The following KCNMB2 variants were observed in gnomAD, a reference collection of about 807,000 sequenced individuals.
KCNMB2 encodes the protein potassium calcium-activated channel subfamily M regulatory beta subunit 2.
A neutral mutation model predicts 24.5 loss-of-function variants in KCNMB2; 9 were observed. That is an observed-to-expected ratio of 0.37 (90% CI 0.22 to 0.64). KCNMB2 has a LOEUF of 0.64. Among genes scored for constraint, KCNMB2 ranks in the 30% least tolerant of loss-of-function variants. The pLI is 0.63. For synonymous variants in KCNMB2, 109 were observed against 104.4 expected, an observed-to-expected ratio of 1.04 and a Z score of -0.27; for missense variants, 226 against 284.3, an observed-to-expected ratio of 0.79 and a Z score of 1.47.
chr3:178,798,849 C>T (rs1291993233), intron 1 of KCNMB2, among the ~76,000 whole-genome samples: 2 of 151,674 alleles, frequency 1.3e-5, no homozygotes, highest in Admixed American at 1.3e-4. Flanking sequence ...TGTAACAAAC[C>T]TGCACATCCT....
At chr3:178,566,275 A>C (rs999123062) in intron 1 of KCNMB2, among the ~76,000 whole-genome samples, 7 of 152,248 alleles carry the variant, frequency 4.6e-5, no homozygotes, top group African/African-American at 1.7e-4. Context: ...AACCATGTTT[A>C]GAATGTGCAG....
chr3:178,703,046 T>G (rs1327610317), intron 1 of KCNMB2, among the ~76,000 whole-genome samples: 2 of 152,100 alleles, frequency 1.3e-5, no homozygotes, highest in Non-Finnish European at 2.9e-5. Context: ...CTTATTCCCT[T>G]TAAGTTTTAA....
intron 4 of KCNMB2, among the ~76,000 whole-genome samples, chr3:178,838,540 T>C (rs572311340): frequency 6.8e-6 from 1 of 147,966 alleles, no homozygotes; most frequent in Non-Finnish European, 1.5e-5. Flanking sequence ...CTGCTGTTTA[T>C]AGTCAAATAA....
chr3:178,552,251 A>C (rs772545255), intron 1 of KCNMB2, among the ~76,000 whole-genome samples: 1 of 152,184 alleles, frequency 6.6e-6, no homozygotes. Context: ...AAACTCCCAC[A>C]CTGAGGAGTT....
chr3:178,720,494 C>A (rs1330928074), intron 1 of KCNMB2, among the ~76,000 whole-genome samples: 1 of 109,244 alleles, frequency 9.2e-6, no homozygotes, highest in Non-Finnish European at 1.8e-5. Context: ...GGGTATATAC[C>A]CAGTAACGGG....
At position 178,663,390 on chromosome 3, in the gene KCNMB2, C is replaced by G. The variant is rs117374481; in HGVS notation, c.-68+126679C>G. Reference sequence around the variant, plus strand: ...AACTGAAGAACTGTAAATTCATATCCCATGCTCTTAACCATGACATCACAC... The same window carrying G: ...AACTGAAGAACTGTAAATTCATATCGCATGCTCTTAACCATGACATCACAC... On this transcript the variant is annotated intron_variant, in intron 1 of 4. Coordinates refer to ENST00000452583, the MANE Select transcript of KCNMB2 (RefSeq NM_181361.3). 6.2e-4 allele frequency among the ~76,000 whole-genome samples: 95 copies of G among 152,076 alleles called. 2 individuals are homozygous for G. Among genetic ancestry groups the G allele is most frequent in the African/African-American group, 2.3e-3 (94 of 41,504 alleles).
chr3:178,726,352 G>C (rs1577129140), intron 1 of KCNMB2, among the ~76,000 whole-genome samples: 2 of 151,864 alleles, frequency 1.3e-5, no homozygotes, highest in South Asian at 4.1e-4. Flanking sequence ...ATAATCTACT[G>C]TGTTTACCAT....
chr3:178,706,651 T>G (rs148243744), intron 1 of KCNMB2, among the ~76,000 whole-genome samples: 1 of 152,196 alleles, frequency 6.6e-6, no homozygotes, highest in Non-Finnish European at 1.5e-5. Context: ...GCCCCAACTT[T>G]ATCACTTGAT....
chr3:178,568,656 T>C (rs1716616075), intron 1 of KCNMB2, among the ~76,000 whole-genome samples: 1 of 150,762 alleles, frequency 6.6e-6, no homozygotes, highest in Non-Finnish European at 1.5e-5. Context: ...CCAGCACTTT[T>C]CCAGTGCTTA....
In KCNMB2 at chr3:178,626,846, T is replaced by C. The variant is rs144245966; in HGVS notation, c.-68+90135T>C. 5.4e-5 allele frequency among the ~76,000 whole-genome samples: 8 copies of C among 149,522 alleles called. No individual in the cohort carries two copies. The East Asian group carries it at 1.6e-3, about 29-fold the overall frequency. On this transcript the variant is annotated intron_variant, in intron 1 of 4. Transcript: ENST00000452583. ...ACTATACTATAGTATAGTAAGTATA[T>C]ATATAACTTATATAGAGAGAATAAG...
At chr3:178,759,524 T>C (rs1377074329) in intron 1 of KCNMB2, among the ~76,000 whole-genome samples, 1 of 126,182 alleles carries the variant, frequency 7.9e-6, no homozygotes, top group African/African-American at 3.2e-5. Flanking sequence ...TCCAAGAGGA[T>C]ATATATACAT....
chr3:178,828,361 A>G lies in KCNMB2; in HGVS notation c.411A>G (p.Lys137=). The change falls in exon 4 of 5, where the codon AAA becomes AAG. Residue 137 remains lysine (K), a synonymous_variant. Coordinates refer to ENST00000452583, the MANE Select transcript of KCNMB2 (RefSeq NM_181361.3). The part of the protein sequence containing the change: ...LLLYHTEETI[K]INQKCSYIPK... ...TCTACCACACAGAAGAGACAATAAA[A>G]ATCAATCAGAAGGTAGGAACTTGGC... The G allele has an allele frequency of 6.2e-7, 1 of 1,613,026 alleles. No individual in the cohort carries two copies. Among genetic ancestry groups the G allele is most frequent in the Non-Finnish European group, 8.5e-7 (1 of 1,179,316 alleles).
intron 4 of KCNMB2, among the ~76,000 whole-genome samples, chr3:178,838,888 A>G (rs180837693): frequency 6.6e-6 from 1 of 152,362 alleles, no homozygotes; most frequent in Non-Finnish European, 1.5e-5. Flanking sequence ...GGTAAATGAC[A>G]GTAAGACGTG....
intron 1 of KCNMB2, among the ~76,000 whole-genome samples, chr3:178,744,777 C>T (rs748620272): frequency 2.6e-5 from 4 of 152,004 alleles, no homozygotes; most frequent in Admixed American, 6.6e-5. Flanking sequence ...CCCAGGGCAG[C>T]CATAAATCCC....
intron 1 of KCNMB2, among the ~76,000 whole-genome samples, chr3:178,657,770 C>A (rs190376292): frequency 6.6e-6 from 1 of 152,202 alleles, no homozygotes; most frequent in East Asian, 1.9e-4. Context: ...GGGCCTCATG[C>A]TGTGTCATAA....
chr3:178,555,599 G>A (rs968562180), intron 1 of KCNMB2, among the ~76,000 whole-genome samples: 5 of 152,194 alleles, frequency 3.3e-5, no homozygotes, highest in African/African-American at 1.2e-4. Flanking sequence ...AAGCCCTATT[G>A]TCATTATTCA....
intron 2 of KCNMB2, among the ~76,000 whole-genome samples, chr3:178,822,433 T>C (rs1174832232): frequency 1.3e-5 from 2 of 152,224 alleles, no homozygotes; most frequent in African/African-American, 4.8e-5. Flanking sequence ...CATTAAGTTT[T>C]TCACCCCACG....
chr3:178,843,163 A>G lies in KCNMB2; in HGVS notation c.*226A>G. ...GTTGGTTGGTGGTTTTCATAATCTT[A>G]TTTCTGTACTGGAACTAGTACTTTC... On this transcript the variant is annotated 3_prime_UTR_variant, in exon 5 of 5. Transcript: ENST00000452583. 1 of 616,834 alleles carries G rather than the reference A, an allele frequency of 1.6e-6. No individual in the cohort carries two copies. Among genetic ancestry groups the G allele is most frequent in the Non-Finnish European group, 3.0e-6 (1 of 331,656 alleles). The allele number at this position is 616,834 out of a possible 1,614,324, so 38.2% of individuals were successfully genotyped here. A position where few individuals can be genotyped will look rare whatever the true frequency, so the allele number is the denominator to read the frequency against.
intron 1 of KCNMB2, among the ~76,000 whole-genome samples, chr3:178,718,920 A>G (rs1282894532): frequency 6.6e-6 from 1 of 152,162 alleles, no homozygotes; most frequent in Non-Finnish European, 1.5e-5. Flanking sequence ...GATCTATCCC[A>G]TCACAGAAGC....
Sources: gnomAD v4.1 joint callset for allele counts (sites outside exome capture counted in the v4.1 genomes callset) on GRCh38, gnomAD v4.1.1 for gene constraint, MANE v1.5 for transcripts, NCBI Gene and HGNC (gene_info 2026-07-23, HGNC 2026-07-21) for gene names.